The following CNNM2 variants were observed in gnomAD, a reference collection of about 807,000 sequenced individuals.
CNNM2 encodes cyclin and CBS domain divalent metal cation transport mediator 2, also known as metal transporter CNNM2.
CNNM2 carries 12 observed loss-of-function variants against 66.9 expected under a neutral mutation model. The ratio of observed to expected loss-of-function variants is 0.18; its 90% CI spans 0.11 to 0.29. CNNM2 has a LOEUF of 0.29. CNNM2 is among the 10% of genes least tolerant of loss of function. The probability of loss-of-function intolerance (pLI) is 1.00; values close to 1 mark genes in which losing one functional copy is unlikely to be tolerated. For missense variants in CNNM2, 705 were observed against 1,167.7 expected (o/e 0.60, Z 5.77); for synonymous variants, 557 against 501.8 (o/e 1.11, Z -1.47).
intron 1 of CNNM2, among the ~76,000 whole-genome samples, chr10:103,008,442 C>T (rs1356246986): frequency 1.3e-5 from 2 of 152,178 alleles, no homozygotes; most frequent in Admixed American, 1.3e-4. Context: ...TATAGACTAG[C>T]TTTGGATTAG....
intron 1 of CNNM2, among the ~76,000 whole-genome samples, chr10:102,999,832 A>G (rs918063401): frequency 6.6e-6 from 1 of 152,236 alleles, no homozygotes; most frequent in Non-Finnish European, 1.5e-5. Flanking sequence ...AAACTTTAAT[A>G]AGATGTTACC....
At position 103,090,069 on chromosome 10, in the gene CNNM2, G is replaced by A. The variant is rs2066320415; in HGVS notation, c.*12889G>A. ...TATCTTCATAGAACTACTTATAGTTGCCTGTCTTCCTCTCTCCCTGCCCCT... is the reference window on the plus strand; with the variant it reads ...TATCTTCATAGAACTACTTATAGTTACCTGTCTTCCTCTCTCCCTGCCCCT... On this transcript the variant is annotated 3_prime_UTR_variant, in exon 8 of 8. Transcript: ENST00000369878. 1.9e-6 allele frequency: 1 copy of A among 520,658 alleles called. No individual in the cohort carries two copies. Among genetic ancestry groups the A allele is most frequent in the Non-Finnish European group, 3.3e-6 (1 of 306,066 alleles). 32.3% of individuals were successfully genotyped at this position (520,658 alleles called of 1,614,324 possible).
intron 4 of CNNM2, among the ~76,000 whole-genome samples, chr10:103,060,420 G>C (rs1436743904): frequency 1.3e-5 from 2 of 151,984 alleles, no homozygotes; most frequent in Non-Finnish European, 2.9e-5. Context: ...CATCAGCTAG[G>C]AGTGGTGGCA....
chr10:102,923,201 T>C (rs773153605), intron 1 of CNNM2, among the ~76,000 whole-genome samples: 2 of 152,162 alleles, frequency 1.3e-5, no homozygotes, highest in Non-Finnish European at 2.9e-5. Context: ...ATTGTCTTTT[T>C]TCTCTGGCTA....
chr10:102,940,089 A>G (rs903378165), intron 1 of CNNM2, among the ~76,000 whole-genome samples: 3 of 151,812 alleles, frequency 2.0e-5, no homozygotes, highest in African/African-American at 7.3e-5. Flanking sequence ...ATGAATTTAT[A>G]CTCTTTTCCA....
chr10:102,919,678 G>A lies in CNNM2; in HGVS notation c.1198G>A (p.Val400Ile). The change falls in exon 1 of 8, where the codon GTC becomes ATC. Residue 400 changes from valine to isoleucine, a missense_variant. This residue lies in a region of CNNM2 where 27 missense variants were observed against 40.7 expected (regional missense o/e 0.66). Coordinates refer to ENST00000369878, the MANE Select transcript of CNNM2 (RefSeq NM_017649.5). The part of the protein sequence containing the change: ...SYPVSKLLDC[V>I]LGQEIGTVYN... ...CCCGGTCAGCAAGCTGCTGGACTGC[G>A]TCCTGGGCCAGGAGATAGGCACCGT... The A allele has an allele frequency of 6.2e-7, 1 of 1,614,230 alleles. No individual in the cohort carries two copies. Among genetic ancestry groups the A allele is most frequent in the East Asian group, 2.2e-5 (1 of 44,888 alleles).
rs534120900 is a variant in CNNM2 at position 103,018,844 on chromosome 10, A to C, written c.1622-30863A>C. 1.2e-4 allele frequency among the ~76,000 whole-genome samples: 18 copies of C among 151,052 alleles called. No individual in the cohort carries two copies. In the East Asian group the frequency reaches 3.1e-3, roughly 26 times the overall value. On this transcript the variant is annotated intron_variant, in intron 1 of 7. Transcript: ENST00000369878. ...CTCCTAATTTTTGTATTTTTAGTAG[A>C]GGTCGGGTTTCACCATGTTGGCCAG...
rs535792674 is a variant in CNNM2, at chr10:102,924,622, GT to G, written c.1621+4534del. Reference sequence around the variant, plus strand: ...GTATTTGCCTTGAATCTAGGAAGTTGTTTTTTTTTTTTTAATTATTTTATAC... The same window carrying G: ...GTATTTGCCTTGAATCTAGGAAGTTGTTTTTTTTTTTTAATTATTTTATAC... On this transcript the variant is annotated intron_variant, in intron 1 of 7. Transcript: ENST00000369878. 4.7e-4 allele frequency among the ~76,000 whole-genome samples: 68 copies of G among 143,246 alleles called. 1 individual carries two copies. The highest frequency in any genetic ancestry group is 1.3e-3 in the South Asian group (6 of 4,480). The allele number at this position is 143,246 out of a possible 152,430, so 94.0% of individuals were successfully genotyped here. A position where few individuals can be genotyped will look rare whatever the true frequency, so the allele number is the denominator to read the frequency against.
intron 4 of CNNM2, among the ~76,000 whole-genome samples, chr10:103,059,912 T>C (rs1024910896): frequency 1.3e-5 from 2 of 151,534 alleles, no homozygotes; most frequent in Admixed American, 6.6e-5. Context: ...GAGGTCAAGA[T>C]AGGATCGTTT....
intron 1 of CNNM2, among the ~76,000 whole-genome samples, chr10:102,964,197 G>A (rs1439750341): frequency 6.6e-6 from 1 of 151,762 alleles, no homozygotes. Context: ...AAAATTACTT[G>A]TAGAAATAGT....
At chr10:102,952,727 C>T (rs1432746482) in intron 1 of CNNM2, among the ~76,000 whole-genome samples, 1 of 152,046 alleles carries the variant, frequency 6.6e-6, no homozygotes, top group African/African-American at 2.4e-5. Context: ...CTGAGGAACC[C>T]GAGTGTTGGG....
At chr10:102,976,669 T>C (rs1453543645) in intron 1 of CNNM2, among the ~76,000 whole-genome samples, 1 of 133,550 alleles carries the variant, frequency 7.5e-6, no homozygotes, top group Non-Finnish European at 1.6e-5. Context: ...GGTTTTACCA[T>C]GTTGACCAGG....
chr10:103,066,166 G>A (rs1050825152), intron 4 of CNNM2, among the ~76,000 whole-genome samples: 3 of 152,266 alleles, frequency 2.0e-5, no homozygotes, highest in South Asian at 2.1e-4. Context: ...CCATGGTGCC[G>A]TGGTCTGGGC....
At chr10:102,998,890 A>T (rs148577764) in intron 1 of CNNM2, among the ~76,000 whole-genome samples, 1 of 152,148 alleles carries the variant, frequency 6.6e-6, no homozygotes, top group Non-Finnish European at 1.5e-5. Context: ...GAGCAATATT[A>T]AAAAATCACT....
intron 1 of CNNM2, among the ~76,000 whole-genome samples, chr10:102,987,316 CTTATTA>C (rs562811214): frequency 4.6e-5 from 7 of 151,418 alleles, no homozygotes; most frequent in South Asian, 2.1e-4. Flanking sequence ...ATACATTAAG[CTTATTA>C]TTATTATTAT....
chr10:103,068,421 C>T (rs2065516837), intron 4 of CNNM2: 1 of 566,848 alleles, frequency 1.8e-6, no homozygotes, highest in Non-Finnish European at 3.2e-6. Flanking sequence ...TACACTGTCA[C>T]CTCTGTATAA....
chr10:103,025,227 G>A lies in CNNM2; in HGVS notation c.1622-24480G>A, dbSNP rs146265696. 3.7e-3 allele frequency among the ~76,000 whole-genome samples: 558 copies of A among 152,332 alleles called. No individual in the cohort carries two copies. The highest frequency in any genetic ancestry group is 6.9e-3 in the Non-Finnish European group (470 of 68,034). On this transcript the variant is annotated intron_variant, in intron 1 of 7. Coordinates refer to ENST00000369878, the MANE Select transcript of CNNM2 (RefSeq NM_017649.5). ...CTGCCTCAGCCTCCCAAGTAGCTGG[G>A]ATTACAGGCATGTGCCACCATGCCC... is the stretch of plus-strand genomic sequence containing the variant.
In CNNM2 at chr10:102,950,981, CTTTTTTTTT is replaced by C. The variant is rs34870588; in HGVS notation, c.1621+30896_1621+30904del. Among the ~76,000 whole-genome samples, 12 of 80,510 alleles carry C rather than the reference CTTTTTTTTT, an allele frequency of 1.5e-4. No homozygotes were observed. The Admixed American group carries it at 1.7e-3, about 11-fold the overall frequency. 52.8% of individuals were successfully genotyped at this position (80,510 alleles called of 152,430 possible). A position where few individuals can be genotyped will look rare whatever the true frequency, so the allele number is the denominator to read the frequency against. ...GGGGCAATAGGAATTCTTTCTTTCT[CTTTTTTTTT>C]TTTTTTTTTTTTTTTGAGATGGAGT... On this transcript the variant is annotated intron_variant, in intron 1 of 7. Transcript: ENST00000369878.
intron 1 of CNNM2, among the ~76,000 whole-genome samples, chr10:103,031,839 G>T (rs201313714): frequency 0.027 from 66 of 2,468 alleles, 1 homozygote; most frequent in African/African-American, 0.23. Context: ...TACAAAATGC[G>T]GGGGGGGCGT....
Sources: allele counts gnomAD v4.1 joint callset (sites outside exome capture counted in the v4.1 genomes callset), GRCh38; gene constraint gnomAD v4.1.1; regional missense constraint gnomAD v4.1.1; transcripts MANE v1.5; gene names NCBI Gene and HGNC (gene_info 2026-07-23, HGNC 2026-07-21).